MYO5A: variants seen among roughly 807,000 people sequenced by gnomAD.
The protein encoded by MYO5A is myosin VA, also known as unconventional myosin-Va.
Under a neutral mutation model 249.7 loss-of-function variants are expected in MYO5A, and 98 were observed. That is an observed-to-expected ratio of 0.39 (90% CI 0.33 to 0.46). The LOEUF (loss-of-function observed/expected upper bound fraction) is 0.46, where lower values mean the gene tolerates loss of function less well. Among genes scored for constraint, MYO5A ranks in the 20% least tolerant of loss-of-function variants. MYO5A has a pLI of 0.98. For missense variants in MYO5A, 1,696 were observed against 2,308.8 expected, an observed-to-expected ratio of 0.73 and a Z score of 5.44; for synonymous variants, 778 against 810.6, an observed-to-expected ratio of 0.96 and a Z score of 0.68.
At chr15:52,469,778 G>A (rs1341986019) in intron 1 of MYO5A, among the ~76,000 whole-genome samples, 1 of 152,202 alleles carries the variant, frequency 6.6e-6, no homozygotes, top group Non-Finnish European at 1.5e-5. Flanking sequence ...ATTGTCTAAT[G>A]TCAATTTGCT....
chr15:52,391,681 T>C (rs2042243935), intron 12 of MYO5A, among the ~76,000 whole-genome samples: 1 of 152,208 alleles, frequency 6.6e-6, no homozygotes. Flanking sequence ...GTGGCTAAAA[T>C]TGTTAGTATC....
chr15:52,346,698 G>C, intron 29 of MYO5A: 3 of 602,214 alleles, frequency 5.0e-6, no homozygotes, highest in Non-Finnish European at 6.2e-6. Flanking sequence ...ACAAAGGTGG[G>C]AAGATTCTAC....
In MYO5A at chr15:52,405,374, T is replaced by C; in HGVS notation, c.966A>G (p.Gln322=). 1.9e-6 allele frequency: 3 copies of C among 1,611,980 alleles called. No homozygotes were observed. The highest frequency in any genetic ancestry group is 2.5e-6 in the Non-Finnish European group (3 of 1,178,124). ...CTLLGISESH[Q]MGIFRILAGI... ...CAGCAAGTATTCGGAAAATTCCCATTTGATGAGATTCACTAATTCCTGAAA... is the reference window on the plus strand; with the variant it reads ...CAGCAAGTATTCGGAAAATTCCCATCTGATGAGATTCACTAATTCCTGAAA... The change falls in exon 9 of 42, where the codon CAA becomes CAG. Residue 322 remains glutamine, a synonymous_variant. Transcript: ENST00000399233.
At chr15:52,482,821 T>C (rs1448452460) in intron 1 of MYO5A, among the ~76,000 whole-genome samples, 2 of 152,130 alleles carry the variant, frequency 1.3e-5, no homozygotes, top group Admixed American at 1.3e-4. Flanking sequence ...TGGCCCTAAA[T>C]AGTGACTCTA....
intron 1 of MYO5A, among the ~76,000 whole-genome samples, chr15:52,526,160 C>A (rs745479226): frequency 6.6e-6 from 1 of 152,156 alleles, no homozygotes; most frequent in Non-Finnish European, 1.5e-5. Flanking sequence ...GCCAGTCTGT[C>A]TTTATAATGA....
intron 31 of MYO5A, among the ~76,000 whole-genome samples, chr15:52,341,353 A>G (rs1332634415): frequency 6.6e-6 from 1 of 152,246 alleles, no homozygotes; most frequent in African/African-American, 2.4e-5. Flanking sequence ...GAATCCTAAC[A>G]AGATGTGGTT....
intron 1 of MYO5A, among the ~76,000 whole-genome samples, chr15:52,456,547 C>T (rs894688972): frequency 2.0e-5 from 3 of 151,564 alleles, no homozygotes; most frequent in Admixed American, 2.0e-4. Flanking sequence ...GGAGGCATGA[C>T]ACTACCTGAC....
At chr15:52,512,200 T>C (rs2077405917) in intron 1 of MYO5A, among the ~76,000 whole-genome samples, 2 of 151,734 alleles carry the variant, frequency 1.3e-5, no homozygotes, top group South Asian at 4.2e-4. Flanking sequence ...ATTCACCAAG[T>C]TTGTGTTCCA....
intron 34 of MYO5A, 117 bp downstream of exon 34, chr15:52,336,346 T>C: frequency 2.9e-6 from 2 of 688,864 alleles, no homozygotes; most frequent in Admixed American, 2.6e-5. Flanking sequence ...AGTCATATTT[T>C]GTTATTATCC....
intron 1 of MYO5A, among the ~76,000 whole-genome samples, chr15:52,509,262 G>A (rs1337187693): frequency 4.6e-5 from 7 of 152,110 alleles, no homozygotes; most frequent in Admixed American, 3.3e-4. Context: ...ATTAGACCTA[G>A]CACCTGGCCA....
At position 52,383,963 on chromosome 15, in the gene MYO5A, G is replaced by A. The variant is rs146328371; in HGVS notation, c.1914+198C>T. ...ATTAAGCTGTAGAGAAAATTATTTC[G>A]GGAAAGGCTTATGCAGAGTCACAGG... On this transcript the variant is annotated intron_variant, in intron 15 of 41. Coordinates refer to ENST00000399233, the MANE Select transcript of MYO5A (RefSeq NM_001382347.1). Among the ~76,000 whole-genome samples the A allele has an allele frequency of 9.7e-3, 1,484 of 152,334 alleles. 27 individuals carry two copies. Among genetic ancestry groups the A allele is most frequent in the African/African-American group, 0.033 (1,391 of 41,566 alleles).
At chr15:52,522,110 T>C (rs1566881271) in intron 1 of MYO5A, among the ~76,000 whole-genome samples, 2 of 152,202 alleles carry the variant, frequency 1.3e-5, no homozygotes, top group Admixed American at 6.5e-5. Flanking sequence ...AACCATAGCA[T>C]TCATTTCGGA....
At chr15:52,453,067 A>T (rs1242546021) in intron 1 of MYO5A, among the ~76,000 whole-genome samples, 3 of 152,180 alleles carry the variant, frequency 2.0e-5, no homozygotes, top group East Asian at 3.8e-4. Flanking sequence ...ATATCCAGGT[A>T]TAGGAAGGTC....
At chr15:52,392,140 C>A in intron 11 of MYO5A, 70 bp from the exon 12 acceptor site, 3 of 1,449,866 alleles carry the variant, frequency 2.1e-6, no homozygotes, top group Non-Finnish European at 2.9e-6. Context: ...AAGATGATAC[C>A]AACATAATTT....
chr15:52,404,080 A>T (rs2042884101), intron 9 of MYO5A, among the ~76,000 whole-genome samples: 1 of 152,156 alleles, frequency 6.6e-6, no homozygotes, highest in Admixed American at 6.5e-5. Flanking sequence ...AGCCTGGCCA[A>T]CATGGCAAAA....
At chr15:52,492,357 C>T (rs2076951993) in intron 1 of MYO5A, among the ~76,000 whole-genome samples, 1 of 152,182 alleles carries the variant, frequency 6.6e-6, no homozygotes, top group Admixed American at 6.5e-5. Context: ...GAGCCCTCTC[C>T]CAGTGAAGTC....
intron 1 of MYO5A, among the ~76,000 whole-genome samples, chr15:52,507,215 G>A (rs1238293969): frequency 6.6e-6 from 1 of 152,166 alleles, no homozygotes; most frequent in Non-Finnish European, 1.5e-5. Context: ...AACAGTTTAT[G>A]ACACATGTCT....
chr15:52,461,964 CAA>C (rs548304865), intron 1 of MYO5A, among the ~76,000 whole-genome samples: 1 of 139,456 alleles, frequency 7.2e-6, no homozygotes, highest in Admixed American at 7.3e-5. Context: ...GACTCCATCT[CAA>C]AAAAAAAAAA....
intron 11 of MYO5A, among the ~76,000 whole-genome samples, chr15:52,394,998 A>G (rs1335310338): frequency 6.6e-6 from 1 of 152,236 alleles, no homozygotes; most frequent in East Asian, 1.9e-4. Flanking sequence ...AATTTGCTAA[A>G]TAAAGATGGT....
Sources: gnomAD v4.1 joint callset for allele counts (sites outside exome capture counted in the v4.1 genomes callset) on GRCh38, gnomAD v4.1.1 for gene constraint, MANE v1.5 for transcripts, NCBI Gene and HGNC (gene_info 2026-07-23, HGNC 2026-07-21) for gene names.